EIF4G3: variants seen among roughly 807,000 people sequenced by gnomAD.
EIF4G3 encodes eukaryotic translation initiation factor 4 gamma 3, also known as eIF-4-gamma 3.
Under a neutral mutation model 186.4 loss-of-function variants are expected in EIF4G3, and 34 were observed. That is an observed-to-expected ratio of 0.18 (90% CI 0.14 to 0.24). The LOEUF is 0.24. EIF4G3 is among the 10% of genes least tolerant of loss of function. The pLI, the probability that EIF4G3 is intolerant of heterozygous loss-of-function variation, is 1.00. For synonymous variants in EIF4G3, 673 were observed against 679.5 expected (o/e 0.99, Z 0.15); for missense variants, 1,536 against 1,948.5 (o/e 0.79, Z 3.99).
intron 28 of EIF4G3, 143 bp downstream of exon 28, chr1:20,851,115 T>C: frequency 1.4e-6 from 1 of 707,834 alleles, no homozygotes. Flanking sequence ...TATAAAACTA[T>C]GAAGTACCCT....
chr1:20,813,801 G>A (rs1002875913), intron 34 of EIF4G3, among the ~76,000 whole-genome samples: 3 of 151,550 alleles, frequency 2.0e-5, no homozygotes, highest in South Asian at 2.1e-4. Context: ...AGCCAAGATT[G>A]CACCACTGCA....
chr1:20,859,516 G>A (rs1034816811), intron 24 of EIF4G3, among the ~76,000 whole-genome samples: 1 of 152,110 alleles, frequency 6.6e-6, no homozygotes, highest in Non-Finnish European at 1.5e-5. Flanking sequence ...CTTTTCCAAC[G>A]TTCCTAAACT....
At chr1:21,050,237 T>C (rs982284668) in intron 4 of EIF4G3, among the ~76,000 whole-genome samples, 5 of 152,154 alleles carry the variant, frequency 3.3e-5, no homozygotes, top group African/African-American at 9.7e-5. Context: ...CAACAGTAGG[T>C]CGGTGCAAGC....
At chr1:20,938,198 T>C (rs945721743) in intron 14 of EIF4G3, among the ~76,000 whole-genome samples, 1 of 152,180 alleles carries the variant, frequency 6.6e-6, no homozygotes, top group African/African-American at 2.4e-5. Flanking sequence ...TTTCACCATG[T>C]TGGCCAGGCT....
At chr1:21,095,867 C>G (rs1002139474) in intron 2 of EIF4G3, among the ~76,000 whole-genome samples, 8 of 151,378 alleles carry the variant, frequency 5.3e-5, no homozygotes, top group African/African-American at 1.7e-4. Context: ...TATTTCTACA[C>G]AAGATAAAAA....
chr1:20,889,535 C>T (rs920162753), intron 18 of EIF4G3, among the ~76,000 whole-genome samples: 5 of 152,300 alleles, frequency 3.3e-5, no homozygotes, highest in South Asian at 2.1e-4. Flanking sequence ...CTTGCTCTTT[C>T]GCCCAGGATG....
At chr1:21,174,901 A>C (rs1186226371) in intron 2 of EIF4G3, among the ~76,000 whole-genome samples, 35 of 152,222 alleles carry the variant, frequency 2.3e-4, no homozygotes, top group Admixed American at 2.3e-3. Flanking sequence ...AGAACAGAGA[A>C]AATGACACTT....
At chr1:20,916,730 C>T (rs1451542096) in intron 14 of EIF4G3, among the ~76,000 whole-genome samples, 6 of 152,062 alleles carry the variant, frequency 3.9e-5, no homozygotes, top group Non-Finnish European at 5.9e-5. Context: ...TTCTTTATCA[C>T]GACCGTGTGG....
chr1:20,857,131 C>T (rs975507053), intron 25 of EIF4G3, among the ~76,000 whole-genome samples: 2 of 112,372 alleles, frequency 1.8e-5, no homozygotes, highest in South Asian at 3.1e-4. Flanking sequence ...CCACTGCACT[C>T]CAGCCTGGGC....
intron 7 of EIF4G3, among the ~76,000 whole-genome samples, chr1:20,984,216 G>C (rs1396186621): frequency 6.6e-6 from 1 of 151,914 alleles, no homozygotes; most frequent in Admixed American, 6.6e-5. Flanking sequence ...GCCCAGGCTG[G>C]AGTGCAGTGG....
chr1:20,848,381 T>C (rs1402141416), intron 29 of EIF4G3, among the ~76,000 whole-genome samples: 1 of 152,238 alleles, frequency 6.6e-6, no homozygotes, highest in Admixed American at 6.5e-5. Context: ...GATTAGCCTT[T>C]CCTGACCTCA....
chr1:20,834,687 T>C (rs756943311), intron 30 of EIF4G3, among the ~76,000 whole-genome samples: 12 of 152,130 alleles, frequency 7.9e-5, no homozygotes, highest in South Asian at 6.2e-4. Flanking sequence ...TAAGAGGATA[T>C]AACAGTTATA....
At chr1:20,845,393 T>G (rs947803823) in intron 29 of EIF4G3, among the ~76,000 whole-genome samples, 3 of 152,210 alleles carry the variant, frequency 2.0e-5, no homozygotes, top group African/African-American at 7.2e-5. Flanking sequence ...CTGGGCGCGG[T>G]GGCTCACGCC....
chr1:21,173,096 G>C (rs2098019305), intron 2 of EIF4G3, among the ~76,000 whole-genome samples: 1 of 115,910 alleles, frequency 8.6e-6, no homozygotes, highest in African/African-American at 3.3e-5. Flanking sequence ...CCAAGATCAT[G>C]CCACTATACT....
At chr1:21,088,426 T>A (rs12134838) in intron 3 of EIF4G3, among the ~76,000 whole-genome samples, 59,305 of 151,332 alleles carry the variant, frequency 0.39, 12,354 homozygotes, top group Middle Eastern at 0.52. Flanking sequence ...TCTCAAAATT[T>A]AAAAAAAAAG....
intron 7 of EIF4G3, among the ~76,000 whole-genome samples, chr1:20,991,510 G>C (rs1341765061): frequency 6.6e-6 from 1 of 151,768 alleles, no homozygotes; most frequent in Non-Finnish European, 1.5e-5. Flanking sequence ...GGAGGTTGCA[G>C]AGAGCTGAGA....
At chr1:20,839,461 G>A (rs770162997) in intron 30 of EIF4G3, among the ~76,000 whole-genome samples, 28 of 152,104 alleles carry the variant, frequency 1.8e-4, no homozygotes, top group African/African-American at 5.8e-4. Context: ...CTAGGACCTA[G>A]AAGACAACGC....
At chr1:21,175,004 A>T (rs2098073491) in intron 2 of EIF4G3, 1 of 152,218 alleles carries the variant, frequency 6.6e-6, no homozygotes, top group African/African-American at 2.4e-5. Flanking sequence ...CAAACTACAG[A>T]CTGTGAAATA....
At chr1:21,039,924 C>T (rs1445771750) in intron 4 of EIF4G3, among the ~76,000 whole-genome samples, 3 of 152,296 alleles carry the variant, frequency 2.0e-5, no homozygotes, top group South Asian at 2.1e-4. Context: ...AATCAATAAT[C>T]GTTAGTGACA....
Sources: gnomAD v4.1 joint callset for allele counts (sites outside exome capture counted in the v4.1 genomes callset) on GRCh38, gnomAD v4.1.1 for gene constraint, MANE v1.5 for transcripts, NCBI Gene and HGNC (gene_info 2026-07-23, HGNC 2026-07-21) for gene names.